The following CAMTA1 variants were observed in gnomAD, a reference collection of about 807,000 sequenced individuals.
CAMTA1 encodes the protein calmodulin-binding transcription activator 1.
Under a neutral mutation model 170.9 loss-of-function variants are expected in CAMTA1, and 27 were observed. The observed-to-expected ratio is 0.16, with a 90% CI of 0.12 to 0.22. CAMTA1 has a LOEUF of 0.22. Among genes scored for constraint, CAMTA1 ranks in the 10% least tolerant of loss-of-function variants. The pLI, the probability that CAMTA1 is intolerant of heterozygous loss-of-function variation, is 1.00. For missense variants in CAMTA1, 1,619 were observed against 2,217.2 expected (o/e 0.73, Z 5.42); for synonymous variants, 833 against 891.5 (o/e 0.93, Z 1.17).
At chr1:7,120,443 C>T (rs1017124655) in intron 4 of CAMTA1, among the ~76,000 whole-genome samples, 3 of 152,182 alleles carry the variant, frequency 2.0e-5, no homozygotes, top group African/African-American at 7.2e-5. Flanking sequence ...AGTTCCTGGA[C>T]ATGTGGGCCC....
intron 3 of CAMTA1, among the ~76,000 whole-genome samples, chr1:6,940,961 G>GGGGGGAGGGGGATCCTCA (rs1686479775): frequency 2.9e-5 from 1 of 34,712 alleles, no homozygotes; most frequent in Admixed American, 2.7e-4. Flanking sequence ...GGGGATCCTT[G>GGGGGGAGGGGGATCCTCA]CAAGGTGGGG....
chr1:7,429,449 T>C (rs2092045521), intron 5 of CAMTA1, among the ~76,000 whole-genome samples: 3 of 151,952 alleles, frequency 2.0e-5, no homozygotes, highest in African/African-American at 7.3e-5. Context: ...GTGATTATGG[T>C]GGTGATGGTG....
rs934643649 is a variant in CAMTA1, at chr1:6,815,930, G to C, written c.46-4251G>C. ...AAGGTCAACTACTCATTTGACTCTTGAGAAAACTGGGGAAGTCAGAGAGTT... is the reference window on the plus strand; with the variant it reads ...AAGGTCAACTACTCATTTGACTCTTCAGAAAACTGGGGAAGTCAGAGAGTT... On this transcript the variant is annotated intron_variant, in intron 1 of 22. Transcript: ENST00000303635. Among the ~76,000 whole-genome samples, 11 of 152,280 alleles carry C rather than the reference G, an allele frequency of 7.2e-5. No individual in the cohort carries two copies. The East Asian group carries it at 1.2e-3, about 16-fold the overall frequency.
At chr1:7,733,081 G>C (rs1204761473) in intron 12 of CAMTA1, among the ~76,000 whole-genome samples, 4 of 151,944 alleles carry the variant, frequency 2.6e-5, no homozygotes, top group African/African-American at 9.7e-5. Context: ...ACATCCCTGT[G>C]GTCCCAGCTA....
intron 7 of CAMTA1, among the ~76,000 whole-genome samples, chr1:7,661,177 C>T (rs894097031): frequency 7.9e-5 from 12 of 152,230 alleles, no homozygotes; most frequent in African/African-American, 2.4e-4. Flanking sequence ...CCTGCATCTG[C>T]ACTCCCTTTG....
At chr1:7,763,772 C>G (rs1416192208) in intron 22 of CAMTA1, among the ~76,000 whole-genome samples, 1 of 152,196 alleles carries the variant, frequency 6.6e-6, no homozygotes, top group Non-Finnish European at 1.5e-5. Context: ...CATTCCTGTT[C>G]ATTCGAGAAA....
chr1:7,714,068 G>T (rs1442095349), intron 11 of CAMTA1, among the ~76,000 whole-genome samples: 1 of 152,076 alleles, frequency 6.6e-6, no homozygotes, highest in African/African-American at 2.4e-5. Context: ...ACGAATTGTG[G>T]AAAGATATTA....
At chr1:6,790,752 T>C (rs545221589) in intron 1 of CAMTA1, among the ~76,000 whole-genome samples, 1 of 152,332 alleles carries the variant, frequency 6.6e-6, no homozygotes, top group Non-Finnish European at 1.5e-5. Context: ...TATATGACTT[T>C]TAATTTATGC....
intron 4 of CAMTA1, among the ~76,000 whole-genome samples, chr1:7,152,221 A>G (rs1573488629): frequency 1.3e-5 from 2 of 152,216 alleles, no homozygotes; most frequent in South Asian, 4.1e-4. Context: ...CATGGGAAGA[A>G]TCCTGGGTAA....
Position 6,911,664 on chromosome 1 carries a change from C to G in CAMTA1, c.234+86454C>G, listed in dbSNP as rs141229042. ...CCCCTGTCCGAGGCCAGATCCACCC[C>G]TCCCTTTACCAAGTCCCCCAGAAAC... On this transcript the variant is annotated intron_variant, in intron 3 of 22. Transcript: ENST00000303635. Among the ~76,000 whole-genome samples, 556 of 152,344 alleles carry G rather than the reference C, an allele frequency of 3.6e-3. 2 individuals are homozygous for G. The highest frequency in any genetic ancestry group is 0.01 in the Middle Eastern group (3 of 294).
chr1:7,426,581 A>T lies in CAMTA1; in HGVS notation c.439-41249A>T, dbSNP rs2091885844. Among the ~76,000 whole-genome samples, 2 of 152,172 alleles carry T rather than the reference A, an allele frequency of 1.3e-5. No individual in the cohort carries two copies. Among genetic ancestry groups the T allele is most frequent in the African/African-American group, 4.8e-5 (2 of 41,434 alleles). On this transcript the variant is annotated intron_variant, in intron 5 of 22. Coordinates refer to ENST00000303635, the MANE Select transcript of CAMTA1 (RefSeq NM_015215.4). The surrounding 1 kb of genome is among the most constrained non-coding windows in gnomAD (Gnocchi z 4.8). ...AAGATTAACTTTAGTGAAAGCTTCGAGGTTTGGCAAATCCATAATTAATCA... is the reference window on the plus strand; with the variant it reads ...AAGATTAACTTTAGTGAAAGCTTCGTGGTTTGGCAAATCCATAATTAATCA...
At chr1:6,974,137 TG>T (rs1693009402) in intron 3 of CAMTA1, among the ~76,000 whole-genome samples, 1 of 136,534 alleles carries the variant, frequency 7.3e-6, no homozygotes, top group Admixed American at 7.3e-5. Flanking sequence ...TGGGCTGCTC[TG>T]GTTTGTAATA....
intron 3 of CAMTA1, among the ~76,000 whole-genome samples, chr1:6,873,397 A>G (rs1004610121): frequency 1.3e-5 from 2 of 152,090 alleles, no homozygotes; most frequent in Non-Finnish European, 2.9e-5. Flanking sequence ...CATCTGGCTC[A>G]GTGGATGGTA....
intron 3 of CAMTA1, among the ~76,000 whole-genome samples, chr1:7,066,963 G>A (rs150055446): frequency 3.2e-4 from 49 of 152,308 alleles, no homozygotes; most frequent in African/African-American, 1.1e-3. Context: ...ATTTGTTATC[G>A]CTGACTCTCA....
chr1:7,158,040 T>A (rs1043162536), intron 4 of CAMTA1, among the ~76,000 whole-genome samples: 1 of 151,970 alleles, frequency 6.6e-6, no homozygotes, highest in Non-Finnish European at 1.5e-5. Flanking sequence ...GCGCCTGTAG[T>A]CCCAGCTACT....
intron 19 of CAMTA1, chr1:7,750,933 A>G: frequency 1.7e-6 from 1 of 604,024 alleles, no homozygotes; most frequent in East Asian, 3.4e-5. Context: ...TGCTATTAAA[A>G]TTTTTCTCCA....
rs534755577 is a variant in CAMTA1 at position 7,286,225 on chromosome 1, G to A, written c.438+36599G>A. ...CATGTGATTGGGCCCTGAAGGGTGA[G>A]GAGGAGCAGGTCAGGCAGAGATGGG... is the stretch of plus-strand genomic sequence containing the variant. On this transcript the variant is annotated intron_variant, in intron 5 of 22. Coordinates refer to ENST00000303635, the MANE Select transcript of CAMTA1 (RefSeq NM_015215.4). This position sits in a 1 kb window ranked among gnomAD's most constrained non-coding sequence, Gnocchi z 4.2. Among the ~76,000 whole-genome samples the A allele has an allele frequency of 9.2e-5, 14 of 152,196 alleles. No homozygotes were observed. Among genetic ancestry groups the A allele is most frequent in the Admixed American group, 2.0e-4 (3 of 15,286 alleles).
At chr1:6,888,753 T>C (rs1673879082) in intron 3 of CAMTA1, among the ~76,000 whole-genome samples, 1 of 152,248 alleles carries the variant, frequency 6.6e-6, no homozygotes, top group Non-Finnish European at 1.5e-5. Context: ...CTTTATTCGT[T>C]GTGTGTTGGC....
intron 6 of CAMTA1, among the ~76,000 whole-genome samples, chr1:7,626,393 C>T (rs2095633842): frequency 1.3e-5 from 2 of 152,192 alleles, no homozygotes; most frequent in South Asian, 2.1e-4. Context: ...CCATCCCAAC[C>T]TCCCAGATTT....
Sources: gnomAD v4.1 joint callset for allele counts (sites outside exome capture counted in the v4.1 genomes callset) on GRCh38, gnomAD v4.1.1 for gene constraint, Gnocchi (gnomAD v3.1) non-coding constraint, MANE v1.5 for transcripts, NCBI Gene and HGNC (gene_info 2026-07-23, HGNC 2026-07-21) for gene names.